The following KCNK9 variants were observed in gnomAD, a reference collection of about 807,000 sequenced individuals.
KCNK9 encodes the protein potassium channel subfamily K member 9.
In KCNK9, 1 loss-of-function variant was observed where a neutral mutation model predicts 10.8. The ratio of observed to expected loss-of-function variants is 0.09; its 90% CI spans 0.03 to 0.44. The LOEUF is 0.44. Ranked by LOEUF, KCNK9 falls within the 20% of genes least tolerant of loss-of-function variation. KCNK9 has a pLI of 0.97. For missense variants in KCNK9, 303 were observed against 515.0 expected (o/e 0.59, Z 3.98); for synonymous variants, 231 against 222.7 (o/e 1.04, Z -0.33).
At chr8:139,666,325 C>T (rs1403096462) in intron 1 of KCNK9, among the ~76,000 whole-genome samples, 2 of 152,182 alleles carry the variant, frequency 1.3e-5, no homozygotes, top group African/African-American at 4.8e-5. Context: ...ATATGCAATC[C>T]CATTACCATG....
At chr8:139,680,380 C>T (rs1405649118) in intron 1 of KCNK9, among the ~76,000 whole-genome samples, 1 of 152,194 alleles carries the variant, frequency 6.6e-6, no homozygotes, top group Non-Finnish European at 1.5e-5. Flanking sequence ...CAGCCATTAT[C>T]CCGGGCCTAC....
chr8:139,616,633 C>A (rs886715157), downstream of KCNK9: 3 of 152,312 alleles, frequency 2.0e-5, no homozygotes, highest in South Asian at 2.1e-4. Flanking sequence ...TTCTAGGGAG[C>A]AAAGCCTCCT....
chr8:139,627,509 G>A (rs1341065910), intron 1 of KCNK9, among the ~76,000 whole-genome samples: 6 of 152,200 alleles, frequency 3.9e-5, no homozygotes, highest in Non-Finnish European at 7.3e-5. Flanking sequence ...TCAGGAGGAT[G>A]AACTCAGCCA....
chr8:139,675,712 A>AC (rs1184866056), intron 1 of KCNK9, among the ~76,000 whole-genome samples: 3 of 149,678 alleles, frequency 2.0e-5, no homozygotes, highest in South Asian at 4.3e-4. Flanking sequence ...GCCCAAGCTG[A>AC]CCCCCCGCCT....
At chr8:139,677,599 A>T (rs1260173303) in intron 1 of KCNK9, among the ~76,000 whole-genome samples, 1 of 150,960 alleles carries the variant, frequency 6.6e-6, no homozygotes, top group Non-Finnish European at 1.5e-5. Flanking sequence ...GTGTTCCCTG[A>T]CTCCCCACAG....
chr8:139,607,395 T>C (rs867739699), intron 2 of KCNK9, among the ~76,000 whole-genome samples: 1 of 152,172 alleles, frequency 6.6e-6, no homozygotes, highest in Non-Finnish European at 1.5e-5. Context: ...CAGTCAATAG[T>C]GGCTGGAGAA....
At chr8:139,651,102 G>C (rs1815848835) in intron 1 of KCNK9, among the ~76,000 whole-genome samples, 1 of 152,188 alleles carries the variant, frequency 6.6e-6, no homozygotes, top group South Asian at 2.1e-4. Flanking sequence ...CTGGGCTGCA[G>C]GTCAGGGTGC....
chr8:139,618,067 C>T lies in KCNK9; in HGVS notation c.*191G>A. 1.4e-6 allele frequency: 1 copy of T among 695,648 alleles called. No individual in the cohort carries two copies. Among genetic ancestry groups the T allele is most frequent in the Non-Finnish European group, 2.3e-6 (1 of 425,680 alleles). The allele number at this position is 695,648 out of a possible 1,614,324, so 43.1% of individuals were successfully genotyped here. On this transcript the variant is annotated 3_prime_UTR_variant, in exon 2 of 2. Transcript: ENST00000520439. This position sits in a 1 kb window ranked among gnomAD's most constrained non-coding sequence, Gnocchi z 7.9. ...TTCAGAGGAGGATGGGCCTGTATTT[C>T]CCTTTGGCCTGCTCTGTCTGGCTGG...
chr8:139,693,988 C>T lies in KCNK9; in HGVS notation c.283+8722G>A. ...TCCATAGCAATCCAACACAGAGACA[C>T]CTTGAATGCAGCCTGTGGCCCCCAA... is the stretch of plus-strand genomic sequence containing the variant. On this transcript the variant is annotated intron_variant, in intron 1 of 1. Transcript: ENST00000520439. The surrounding 1 kb of genome is among the most constrained non-coding windows in gnomAD (Gnocchi z 4.1). 6.6e-6 allele frequency among the ~76,000 whole-genome samples: 1 copy of T among 152,160 alleles called. No homozygotes were observed. Among genetic ancestry groups the T allele is most frequent in the Non-Finnish European group, 1.5e-5 (1 of 68,030 alleles).
chr8:139,626,257 T>C (rs1399294612), intron 1 of KCNK9, among the ~76,000 whole-genome samples: 1 of 152,148 alleles, frequency 6.6e-6, no homozygotes, highest in Non-Finnish European at 1.5e-5. Context: ...TGAGTGACCT[T>C]CACAGACTTA....
chr8:139,700,536 A>ACGCGCG, intron 1 of KCNK9, among the ~76,000 whole-genome samples: 1 of 119,046 alleles, frequency 8.4e-6, no homozygotes, highest in African/African-American at 3.8e-5. Flanking sequence ...ACACACACAC[A>ACGCGCG]CACGCGCGCA....
At chr8:139,699,267 G>A (rs770895926) in intron 1 of KCNK9, among the ~76,000 whole-genome samples, 20 of 152,158 alleles carry the variant, frequency 1.3e-4, no homozygotes, top group Non-Finnish European at 1.9e-4. Context: ...AGGCTAAAGC[G>A]CCTGCTGAAG....
intron 1 of KCNK9, among the ~76,000 whole-genome samples, chr8:139,637,114 G>T (rs986968701): frequency 1.3e-5 from 2 of 152,234 alleles, no homozygotes; most frequent in Non-Finnish European, 2.9e-5. Context: ...AGCCTAAAAG[G>T]CTGTGTGCAT....
At chr8:139,695,369 G>T (rs1029458293) in intron 1 of KCNK9, among the ~76,000 whole-genome samples, 2 of 152,324 alleles carry the variant, frequency 1.3e-5, no homozygotes, top group East Asian at 3.9e-4. Context: ...CAGAGGAGAG[G>T]AACTGGCTAC....
chr8:139,627,770 T>C (rs1329906566), intron 1 of KCNK9, among the ~76,000 whole-genome samples: 1 of 152,214 alleles, frequency 6.6e-6, no homozygotes, highest in African/African-American at 2.4e-5. Context: ...CACTTTGCAA[T>C]TCACACTCCC....
At chr8:139,686,228 A>G (rs1485829028) in intron 1 of KCNK9, among the ~76,000 whole-genome samples, 1 of 152,248 alleles carries the variant, frequency 6.6e-6, no homozygotes, top group African/African-American at 2.4e-5. Context: ...CTAAAACACC[A>G]AAAGCAATGA....
chr8:139,674,901 T>C (rs1423533716), intron 1 of KCNK9, among the ~76,000 whole-genome samples: 1 of 152,044 alleles, frequency 6.6e-6, no homozygotes, highest in Non-Finnish European at 1.5e-5. Context: ...GACATGGCTC[T>C]TCCTCCCCCC....
chr8:139,616,035 A>C (rs2130097232), downstream of KCNK9: 1 of 152,284 alleles, frequency 6.6e-6, no homozygotes, highest in East Asian at 1.9e-4. Flanking sequence ...CCTGGGCTCC[A>C]GACTGAGACA....
rs1030829554 is a variant in KCNK9 at position 139,675,860 on chromosome 8, A to G, written c.283+26850T>C. On this transcript the variant is annotated intron_variant, in intron 1 of 1. Transcript: ENST00000520439. ...TCACCAAACCTCATAAACCTGGTGC[A>G]ATTTCCTCTTGGGCACACAGATAAA... 3.4e-4 allele frequency among the ~76,000 whole-genome samples: 52 copies of G among 152,206 alleles called. 1 individual carries two copies. Among genetic ancestry groups the G allele is most frequent in the Admixed American group, 3.3e-3 (51 of 15,280 alleles).
Sources: gnomAD v4.1 joint callset for allele counts (sites outside exome capture counted in the v4.1 genomes callset) on GRCh38, gnomAD v4.1.1 for gene constraint, Gnocchi (gnomAD v3.1) non-coding constraint, MANE v1.5 for transcripts, NCBI Gene and HGNC (gene_info 2026-07-23, HGNC 2026-07-21) for gene names.